RARB: variants seen among roughly 807,000 people sequenced by gnomAD.
RARB encodes the protein retinoic acid receptor beta, also known as HBV-activated protein.
Under a neutral mutation model 51.9 loss-of-function variants are expected in RARB, and 17 were observed. The ratio of observed to expected loss-of-function variants is 0.33; its 90% CI spans 0.22 to 0.49. The LOEUF is 0.49. RARB is among the 20% of genes least tolerant of loss of function. The probability of loss-of-function intolerance (pLI) is 0.99; values close to 1 mark genes in which losing one functional copy is unlikely to be tolerated. For missense variants in RARB, 369 were observed against 550.8 expected (o/e 0.67, Z 3.30); for synonymous variants, 215 against 195.4 (o/e 1.10, Z -0.84).
intron 2 of RARB, among the ~76,000 whole-genome samples, chr3:24,858,911 C>A (rs1190467443): frequency 6.6e-6 from 1 of 151,790 alleles, no homozygotes; most frequent in East Asian, 1.9e-4. Flanking sequence ...GTGGCACTTG[C>A]CTGTAGTCCC....
rs1478474592 is a variant in RARB at position 25,555,145 on chromosome 3, T to G, written c.449-14613T>G. On this transcript the variant is annotated intron_variant, in intron 3 of 7. Coordinates refer to ENST00000330688, the MANE Select transcript of RARB (RefSeq NM_000965.5). ...TAAAATTAGTGAATGAATGAATGAA[T>G]GAGTAAATTGACAAATAGCTACTCT... Among the ~76,000 whole-genome samples, 3 of 152,218 alleles carry G rather than the reference T, an allele frequency of 2.0e-5. No individual in the cohort carries two copies. In the South Asian group the frequency reaches 6.2e-4, roughly 32 times the overall value.
At chr3:25,318,496 T>A (rs1428133610) in intron 5 of RARB, among the ~76,000 whole-genome samples, 1 of 152,168 alleles carries the variant, frequency 6.6e-6, no homozygotes, top group Non-Finnish European at 1.5e-5. Flanking sequence ...AAATACTGAA[T>A]AACATATTCA....
intron 5 of RARB, among the ~76,000 whole-genome samples, chr3:25,347,818 C>T (rs967438714): frequency 1.3e-5 from 2 of 152,180 alleles, no homozygotes; most frequent in Non-Finnish European, 2.9e-5. Context: ...GCCTGCAAGA[C>T]ACATGGCAAA....
At chr3:25,186,346 T>G (rs1350518112) in intron 5 of RARB, among the ~76,000 whole-genome samples, 1 of 151,934 alleles carries the variant, frequency 6.6e-6, no homozygotes, top group Non-Finnish European at 1.5e-5. Context: ...ACACGGCTGG[T>G]GAGATCCTAC....
intron 2 of RARB, among the ~76,000 whole-genome samples, chr3:25,473,771 G>C (rs1412094148): frequency 6.6e-6 from 1 of 151,942 alleles, no homozygotes; most frequent in Non-Finnish European, 1.5e-5. Flanking sequence ...TTTCACATGG[G>C]CTTCTCCTCC....
intron 2 of RARB, among the ~76,000 whole-genome samples, chr3:25,007,364 G>C (rs529604835): frequency 2.6e-5 from 4 of 152,014 alleles, no homozygotes; most frequent in Non-Finnish European, 5.9e-5. Flanking sequence ...AGTGGCTCAC[G>C]CCTGTAATCC....
intron 2 of RARB, among the ~76,000 whole-genome samples, chr3:25,478,461 G>T (rs1326095309): frequency 1.3e-5 from 2 of 152,162 alleles, no homozygotes; most frequent in Non-Finnish European, 2.9e-5. Context: ...AAGACTAGTG[G>T]CTCATTCTGA....
intron 2 of RARB, among the ~76,000 whole-genome samples, chr3:24,974,335 C>T (rs1006352074): frequency 6.6e-6 from 1 of 151,922 alleles, no homozygotes; most frequent in African/African-American, 2.4e-5. Context: ...ATTTAGTTTG[C>T]CTAGTATTTT....
intron 2 of RARB, among the ~76,000 whole-genome samples, chr3:24,952,488 C>A (rs1695915833): frequency 6.6e-6 from 1 of 152,136 alleles, no homozygotes; most frequent in Non-Finnish European, 1.5e-5. Context: ...TCCCCCACTA[C>A]CTGCACTCCG....
At chr3:25,189,633 T>G (rs1701051029) in intron 5 of RARB, among the ~76,000 whole-genome samples, 1 of 152,076 alleles carries the variant, frequency 6.6e-6, no homozygotes. Context: ...ATACCTGTAA[T>G]CCCAGCACTT....
chr3:25,421,174 G>A (rs1707847978), intron 5 of RARB, among the ~76,000 whole-genome samples: 2 of 151,822 alleles, frequency 1.3e-5, no homozygotes, highest in East Asian at 1.9e-4. Context: ...CTTCAGTGTG[G>A]TAGTACTTAA....
At chr3:24,856,130 T>C (rs1412777150) in intron 1 of RARB, among the ~76,000 whole-genome samples, 1 of 152,160 alleles carries the variant, frequency 6.6e-6, no homozygotes, top group Non-Finnish European at 1.5e-5. Context: ...TCTTCTCATA[T>C]AAATGTACCA....
chr3:25,185,439 T>C (rs1421605025), intron 5 of RARB, among the ~76,000 whole-genome samples: 1 of 152,150 alleles, frequency 6.6e-6, no homozygotes, highest in Non-Finnish European at 1.5e-5. Flanking sequence ...ATTTCAGTGA[T>C]GTTTATAATA....
chr3:25,266,866 T>C (rs1703138710), intron 5 of RARB, among the ~76,000 whole-genome samples: 2 of 152,128 alleles, frequency 1.3e-5, no homozygotes, highest in African/African-American at 4.8e-5. Flanking sequence ...ACCATGCTGG[T>C]CTCCGATTGC....
chr3:25,435,254 A>C (rs1708383754), intron 1 of RARB, among the ~76,000 whole-genome samples: 1 of 152,238 alleles, frequency 6.6e-6, no homozygotes. Flanking sequence ...TGTCAAGTCA[A>C]AAAAATAGCT....
chr3:25,493,796 A>C (rs1057243295), intron 2 of RARB, among the ~76,000 whole-genome samples: 1 of 152,182 alleles, frequency 6.6e-6, no homozygotes, highest in Non-Finnish European at 1.5e-5. Context: ...TTGCCTTTAA[A>C]AATTTTTTAA....
At chr3:24,937,127 A>G (rs1380005585) in intron 2 of RARB, among the ~76,000 whole-genome samples, 2 of 152,344 alleles carry the variant, frequency 1.3e-5, no homozygotes, top group Non-Finnish European at 2.9e-5. Context: ...CATATAAGGC[A>G]TGTCCTAGTT....
At chr3:25,513,272 C>T (rs779308483) in intron 3 of RARB, among the ~76,000 whole-genome samples, 5 of 151,196 alleles carry the variant, frequency 3.3e-5, no homozygotes, top group Admixed American at 6.6e-5. Context: ...GGACAACAGA[C>T]GGAGACTCCA....
At chr3:25,101,227 G>T (rs980606802) in intron 3 of RARB, among the ~76,000 whole-genome samples, 1 of 152,104 alleles carries the variant, frequency 6.6e-6, no homozygotes, top group Non-Finnish European at 1.5e-5. Flanking sequence ...TCTCAGAAAA[G>T]ATGCTTGATG....
Sources: gnomAD v4.1 joint callset for allele counts (sites outside exome capture counted in the v4.1 genomes callset) on GRCh38, gnomAD v4.1.1 for gene constraint, MANE v1.5 for transcripts, NCBI Gene and HGNC (gene_info 2026-07-23, HGNC 2026-07-21) for gene names.